Variants in CYFIP1 observed in about 807,000 individuals in gnomAD.
CYFIP1 encodes the protein cytoplasmic FMR1-interacting protein 1.
A neutral mutation model predicts 163.5 loss-of-function variants in CYFIP1; 58 were observed. The ratio of observed to expected loss-of-function variants is 0.35; its 90% CI spans 0.29 to 0.44. The LOEUF (loss-of-function observed/expected upper bound fraction) is 0.44. CYFIP1 is among the 20% of genes least tolerant of loss of function. The pLI is 1.00. For synonymous variants in CYFIP1, 663 were observed against 660.7 expected (o/e 1.00, Z -0.05); for missense variants, 1,338 against 1,653.8 (o/e 0.81, Z 3.31).
intron 1 of CYFIP1, 113 bp from the exon 2 acceptor site, chr15:22,947,404 G>A (rs950372000): frequency 3.9e-5 from 56 of 1,424,058 alleles, no homozygotes; most frequent in Middle Eastern, 2.6e-4. Context: ...CGAGGGCACC[G>A]GACATGGCTG....
At chr15:22,871,463 T>G (rs1225848013) in intron 30 of CYFIP1, among the ~76,000 whole-genome samples, 1 of 152,138 alleles carries the variant, frequency 6.6e-6, no homozygotes, top group Non-Finnish European at 1.5e-5. Context: ...CTAAGACACA[T>G]GAATACAGTA....
intron 26 of CYFIP1, among the ~76,000 whole-genome samples, chr15:22,876,207 C>T (rs1202439410): frequency 6.6e-6 from 1 of 152,014 alleles, no homozygotes; most frequent in Non-Finnish European, 1.5e-5. Flanking sequence ...GAGATTTTAA[C>T]TTCTGAGGAC....
intron 18 of CYFIP1, 93 bp from the exon 19 acceptor site, chr15:22,910,906 ACTGAGGCT>A: frequency 1.9e-6 from 2 of 1,071,892 alleles, no homozygotes; most frequent in Non-Finnish European, 2.8e-6. Flanking sequence ...AAGGCAACTA[ACTGAGGCT>A]CTTTTATTTT....
chr15:22,882,076 T>C (rs1043752383), intron 24 of CYFIP1, 140 bp from the exon 25 acceptor site: 116 of 685,426 alleles, frequency 1.7e-4, no homozygotes, highest in Non-Finnish European at 2.6e-4. Context: ...GGCTGGGGAA[T>C]AAAATCCACC....
chr15:22,932,177 C>T (rs1455485070), intron 11 of CYFIP1, 46 bp downstream of exon 11: 2 of 1,435,258 alleles, frequency 1.4e-6, no homozygotes, highest in Non-Finnish European at 1.9e-6. Context: ...CAAACACACA[C>T]AGGCGACCCT....
intron 17 of CYFIP1, among the ~76,000 whole-genome samples, chr15:22,913,250 T>G (rs1387384491): frequency 3.4e-5 from 5 of 148,934 alleles, no homozygotes; most frequent in African/African-American, 1.2e-4. Context: ...AAAGGTGGAC[T>G]GGGCGCGGTG....
chr15:22,926,405 G>A (rs1034345133), intron 12 of CYFIP1, among the ~76,000 whole-genome samples: 2 of 152,184 alleles, frequency 1.3e-5, no homozygotes, highest in African/African-American at 4.8e-5. Context: ...AGGCACAGTG[G>A]CTCATGCCTA....
At position 22,946,868 on chromosome 15, in the gene CYFIP1, A is replaced by G. The variant is rs562354029; in HGVS notation, c.207+135T>C. ...AAGAAAAGCAAAGACTGTCTTAAAA[A>G]TATAAGGCATTTCATTCATTTTCTT... is the stretch of plus-strand genomic sequence containing the variant. On this transcript the variant is annotated intron_variant, in intron 3 of 30. Coordinates refer to ENST00000617928, the MANE Select transcript of CYFIP1 (RefSeq NM_014608.6). 1.9e-5 allele frequency: 15 copies of G among 792,044 alleles called. No individual in the cohort carries two copies. In the African/African-American group the frequency reaches 2.6e-4, roughly 14 times the overall value. The allele number at this position is 792,044 out of a possible 1,614,324, so 49.1% of individuals were successfully genotyped here.
At chr15:22,960,486 G>A (rs2062639233) in intron 1 of CYFIP1, among the ~76,000 whole-genome samples, 1 of 152,194 alleles carries the variant, frequency 6.6e-6, no homozygotes, top group South Asian at 2.1e-4. Flanking sequence ...GACCTAACGG[G>A]GAGCTTCTCA....
chr15:22,880,060 G>A lies in CYFIP1; in HGVS notation c.2912-17C>T. 5.6e-6 allele frequency: 9 copies of A among 1,613,162 alleles called. No individual in the cohort carries two copies. The highest frequency in any genetic ancestry group is 7.6e-6 in the Non-Finnish European group (9 of 1,179,804). ...CCAGGATACCTACGGTGGCGGGAGTGAGGTGGGGTTGGGGGACTGGAGGGG... is the reference window on the plus strand; with the variant it reads ...CCAGGATACCTACGGTGGCGGGAGTAAGGTGGGGTTGGGGGACTGGAGGGG... On this transcript the variant is annotated splice_polypyrimidine_tract_variant and intron_variant, in intron 25 of 30. Coordinates refer to ENST00000617928, the MANE Select transcript of CYFIP1 (RefSeq NM_014608.6).
intron 13 of CYFIP1, 93 bp from the exon 14 acceptor site, chr15:22,918,951 C>T (rs1178413065): frequency 2.9e-6 from 3 of 1,025,006 alleles, no homozygotes; most frequent in African/African-American, 1.6e-5. Flanking sequence ...CCTCCTCGCC[C>T]ACAGCACCTT....
chr15:22,888,918 G>A (rs1024730131), intron 23 of CYFIP1, among the ~76,000 whole-genome samples: 2 of 151,918 alleles, frequency 1.3e-5, no homozygotes, highest in Admixed American at 1.3e-4. Flanking sequence ...GCACACTCCT[G>A]TAATCCCAGC....
Position 22,910,756 on chromosome 15 carries a change from A to G in CYFIP1, c.2140T>C (p.Tyr714His), listed in dbSNP as rs772097832. ...ACTCACCTTCCTGCCATAACCTTATAATAGGCAAATATCTGGTCTGCTAGC... is the reference window on the plus strand; with the variant it reads ...ACTCACCTTCCTGCCATAACCTTATGATAGGCAAATATCTGGTCTGCTAGC... ...YKLADQIFAY[Y>H]KVMAGSLLLD... is the part of the protein sequence containing the mutation. Residue 714 changes from tyrosine (Y) to histidine (H), a missense_variant, in exon 19 of 31, where the codon TAT becomes CAT. Transcript: ENST00000617928. 2 of 1,613,868 alleles carry G rather than the reference A, an allele frequency of 1.2e-6. No individual in the cohort carries two copies. Among genetic ancestry groups the G allele is most frequent in the Non-Finnish European group, 1.7e-6 (2 of 1,179,712 alleles).
In CYFIP1 at chr15:22,926,057, G is replaced by A. The variant is rs1380339115; in HGVS notation, c.1284C>T (p.Cys428=). Residue 428 remains cysteine (C), a synonymous_variant, in exon 13 of 31, where the codon TGC becomes TGT. Transcript: ENST00000617928. ...GCTCGTACTCTTCAGCGCTGTCGGGGCAGTCCTTGTTGGAGTACTTGTCGG... is the reference window on the plus strand; with the variant it reads ...GCTCGTACTCTTCAGCGCTGTCGGGACAGTCCTTGTTGGAGTACTTGTCGG... ...HPTDKYSNKD[C]PDSAEEYERA... The A allele has an allele frequency of 3.1e-6, 5 of 1,614,080 alleles. No individual in the cohort carries two copies. In the African/African-American group the frequency reaches 4.0e-5, roughly 13 times the overall value.
At chr15:22,963,019 C>G (rs2062741468) in intron 1 of CYFIP1, among the ~76,000 whole-genome samples, 1 of 152,134 alleles carries the variant, frequency 6.6e-6, no homozygotes, top group South Asian at 2.1e-4. Context: ...CAGGGCTCGG[C>G]AAGCATTTTC....
intron 1 of CYFIP1, among the ~76,000 whole-genome samples, chr15:22,953,433 T>C (rs1189561718): frequency 5.3e-5 from 8 of 152,180 alleles, no homozygotes; most frequent in Non-Finnish European, 1.0e-4. Flanking sequence ...TCCAGCCGCC[T>C]GCACCCTGGG....
At chr15:22,948,346 C>T (rs1364326713) in intron 1 of CYFIP1, among the ~76,000 whole-genome samples, 1 of 152,152 alleles carries the variant, frequency 6.6e-6, no homozygotes, top group Non-Finnish European at 1.5e-5. Flanking sequence ...CAGCCACCAG[C>T]GGCACACAGG....
At chr15:22,920,804 T>C (rs2061151033) in intron 13 of CYFIP1, among the ~76,000 whole-genome samples, 1 of 152,182 alleles carries the variant, frequency 6.6e-6, no homozygotes, top group South Asian at 2.1e-4. Context: ...ATGCTTACTT[T>C]GGAAAACTGA....
intron 23 of CYFIP1, among the ~76,000 whole-genome samples, chr15:22,883,613 G>T (rs7181119): frequency 1.7e-3 from 251 of 151,958 alleles, no homozygotes; most frequent in Non-Finnish European, 2.3e-3. Flanking sequence ...GTCAGGAGAT[G>T]GAGACCATCC....
Sources: gnomAD v4.1 joint callset for allele counts (sites outside exome capture counted in the v4.1 genomes callset) on GRCh38, gnomAD v4.1.1 for gene constraint, MANE v1.5 for transcripts, NCBI Gene and HGNC (gene_info 2026-07-23, HGNC 2026-07-21) for gene names.